Variants in KCNB2 observed in about 807,000 individuals in gnomAD.
KCNB2 encodes the protein delayed rectifier potassium channel protein.
KCNB2 carries 15 observed loss-of-function variants against 61.5 expected under a neutral mutation model. The ratio of observed to expected loss-of-function variants is 0.24; its 90% CI spans 0.16 to 0.38. KCNB2 has a LOEUF of 0.38. Among genes scored for constraint, KCNB2 ranks in the 10% least tolerant of loss-of-function variants. The probability of loss-of-function intolerance (pLI) is 1.00; values close to 1 mark genes in which losing one functional copy is unlikely to be tolerated. For synonymous variants in KCNB2, 457 were observed against 446.0 expected, an observed-to-expected ratio of 1.02 and a Z score of -0.31; for missense variants, 828 against 1,125.2, an observed-to-expected ratio of 0.74 and a Z score of 3.78.
At chr8:72,800,797 C>A (rs1809113307) in intron 2 of KCNB2, among the ~76,000 whole-genome samples, 1 of 152,162 alleles carries the variant, frequency 6.6e-6, no homozygotes, top group African/African-American at 2.4e-5. Flanking sequence ...TGAAGTGACA[C>A]TTTGTGGAGT....
chr8:72,813,685 T>A (rs1048949451), intron 2 of KCNB2, among the ~76,000 whole-genome samples: 1 of 152,140 alleles, frequency 6.6e-6, no homozygotes, highest in African/African-American at 2.4e-5. Flanking sequence ...TACACAAAAA[T>A]ACACAAATAT....
chr8:72,918,882 G>A (rs533023897), intron 2 of KCNB2, among the ~76,000 whole-genome samples: 6 of 152,126 alleles, frequency 3.9e-5, no homozygotes, highest in East Asian at 3.9e-4. Flanking sequence ...TTAGATTCCC[G>A]GCATATACAA....
At chr8:72,737,737 T>C (rs986323194) in intron 2 of KCNB2, among the ~76,000 whole-genome samples, 1 of 152,158 alleles carries the variant, frequency 6.6e-6, no homozygotes, top group Non-Finnish European at 1.5e-5. Flanking sequence ...ACTGTCTTGC[T>C]GTAGGTTGAA....
At chr8:72,576,896 G>A (rs1375238940) in intron 2 of KCNB2, among the ~76,000 whole-genome samples, 1 of 152,182 alleles carries the variant, frequency 6.6e-6, no homozygotes, top group Non-Finnish European at 1.5e-5. Flanking sequence ...ACAGAGACAT[G>A]TAGTAACTGG....
chr8:72,691,489 T>C (rs1806939840), intron 2 of KCNB2, among the ~76,000 whole-genome samples: 1 of 152,230 alleles, frequency 6.6e-6, no homozygotes, highest in African/African-American at 2.4e-5. Flanking sequence ...AACTGGTAGT[T>C]TTTTTTCACG....
chr8:72,935,756 G>T (rs778277034), intron 2 of KCNB2, among the ~76,000 whole-genome samples, 179 bp from the exon 3 acceptor site: 4 of 152,142 alleles, frequency 2.6e-5, no homozygotes, highest in Non-Finnish European at 5.9e-5. Flanking sequence ...TATACATTAG[G>T]CTTCTAAATG....
intron 2 of KCNB2, among the ~76,000 whole-genome samples, chr8:72,568,662 G>A (rs973017256): frequency 1.3e-5 from 2 of 152,184 alleles, no homozygotes; most frequent in Admixed American, 6.5e-5. Flanking sequence ...TCTTGTGGAA[G>A]ACGAGGGCCT....
At chr8:72,924,672 A>G (rs1371058293) in intron 2 of KCNB2, among the ~76,000 whole-genome samples, 1 of 152,186 alleles carries the variant, frequency 6.6e-6, no homozygotes, top group Non-Finnish European at 1.5e-5. Context: ...TGCCCAATAA[A>G]CACCTCCTCA....
intron 2 of KCNB2, among the ~76,000 whole-genome samples, chr8:72,590,939 T>C (rs186612684): frequency 1.2e-4 from 18 of 152,270 alleles, no homozygotes; most frequent in African/African-American, 3.8e-4. Flanking sequence ...AGCTAAAACC[T>C]TTGGTTCTGA....
At chr8:72,561,727 A>ATATGTGTATATGTG (rs1189336093) in intron 1 of KCNB2, among the ~76,000 whole-genome samples, 1 of 35,280 alleles carries the variant, frequency 2.8e-5, no homozygotes, top group Non-Finnish European at 6.3e-5. Flanking sequence ...ATATATATAT[A>ATATGTGTATATGTG]TCTATATCTA....
chr8:72,801,320 C>T (rs1052362115), intron 2 of KCNB2, among the ~76,000 whole-genome samples: 9 of 152,146 alleles, frequency 5.9e-5, no homozygotes, highest in African/African-American at 2.2e-4. Context: ...ATAAACATAA[C>T]ATTTTAATTC....
intron 2 of KCNB2, among the ~76,000 whole-genome samples, chr8:72,631,521 G>C (rs188027134): frequency 7.2e-5 from 11 of 152,208 alleles, no homozygotes; most frequent in African/African-American, 2.2e-4. Flanking sequence ...AGTCATATTG[G>C]ATTAGGGCTC....
intron 2 of KCNB2, among the ~76,000 whole-genome samples, chr8:72,682,950 A>C (rs926989591): frequency 1.3e-5 from 2 of 152,196 alleles, no homozygotes; most frequent in Admixed American, 6.5e-5. Context: ...TTGATAAAAT[A>C]ACATCATTGA....
At chr8:72,628,445 GA>G (rs1805829200) in intron 2 of KCNB2, among the ~76,000 whole-genome samples, 2 of 14,242 alleles carry the variant, frequency 1.4e-4, no homozygotes, top group Non-Finnish European at 4.3e-4. Context: ...GTGTGTGTGT[GA>G]GATGCACTTA....
chr8:72,650,244 C>T (rs1344452646), intron 2 of KCNB2, among the ~76,000 whole-genome samples: 1 of 152,146 alleles, frequency 6.6e-6, no homozygotes, highest in Non-Finnish European at 1.5e-5. Flanking sequence ...GTCCATTTAA[C>T]TAATGATTCC....
At position 72,685,339 on chromosome 8, in the gene KCNB2, A is replaced by T. The variant is rs142459359; in HGVS notation, c.579+117026A>T. Among the ~76,000 whole-genome samples, 297 of 152,290 alleles carry T rather than the reference A, an allele frequency of 2.0e-3. 3 individuals are homozygous for T. The highest frequency in any genetic ancestry group is 6.7e-3 in the African/African-American group (278 of 41,570). ...CTGAAAAATATATATATAAAACATA[A>T]GTTCATAAGGACTTGGGCAGTGTTA... On this transcript the variant is annotated intron_variant, in intron 2 of 2. Coordinates refer to ENST00000523207, the MANE Select transcript of KCNB2 (RefSeq NM_004770.3).
chr8:72,890,004 C>A (rs981878304), intron 2 of KCNB2, among the ~76,000 whole-genome samples: 1 of 152,134 alleles, frequency 6.6e-6, no homozygotes, highest in Non-Finnish European at 1.5e-5. Flanking sequence ...ACCTTAGCCT[C>A]CCAAAGTGCT....
chr8:72,777,655 T>G (rs1265185965), intron 2 of KCNB2, among the ~76,000 whole-genome samples: 1 of 152,204 alleles, frequency 6.6e-6, no homozygotes, highest in Non-Finnish European at 1.5e-5. Context: ...TATGGTTATA[T>G]TACTAAATAT....
chr8:72,919,323 G>A (rs899660216), intron 2 of KCNB2, among the ~76,000 whole-genome samples: 1 of 152,116 alleles, frequency 6.6e-6, no homozygotes, highest in Non-Finnish European at 1.5e-5. Context: ...GCCCCCACAA[G>A]GCACATCTAA....
Sources: allele counts gnomAD v4.1 joint callset (sites outside exome capture counted in the v4.1 genomes callset), GRCh38; gene constraint gnomAD v4.1.1; transcripts MANE v1.5; gene names NCBI Gene and HGNC (gene_info 2026-07-23, HGNC 2026-07-21).